The following ANKFN1 variants were observed in gnomAD, a reference collection of about 807,000 sequenced individuals.
The protein encoded by ANKFN1 is ankyrin repeat and fibronectin type III domain containing 1.
ANKFN1 carries 74 observed loss-of-function variants against 108.7 expected under a neutral mutation model. The observed-to-expected ratio is 0.68, with a 90% CI of 0.56 to 0.83. ANKFN1 has a LOEUF of 0.83. ANKFN1 is among the 40% of genes least tolerant of loss of function. ANKFN1 has a pLI of 0.00. For missense variants in ANKFN1, 1,505 were observed against 1,382.3 expected, an observed-to-expected ratio of 1.09 and a Z score of -1.41; for synonymous variants, 547 against 516.2, an observed-to-expected ratio of 1.06 and a Z score of -0.81.
At chr17:56,114,794 A>C (rs1409549535) in intron 4 of ANKFN1, among the ~76,000 whole-genome samples, 1 of 152,184 alleles carries the variant, frequency 6.6e-6, no homozygotes, top group African/African-American at 2.4e-5. Context: ...ATGCAATCTC[A>C]AGGGTCCTTA....
rs186133927 is a variant in ANKFN1, at chr17:56,466,601, A to G, written c.1773+30A>G. 6.6e-5 allele frequency: 103 copies of G among 1,553,670 alleles called. 1 individual carries two copies. The Admixed American group carries it at 1.9e-3, about 29-fold the overall frequency. On this transcript the variant is annotated intron_variant, in intron 15 of 20. Coordinates refer to ENST00000682825, the MANE Select transcript of ANKFN1 (RefSeq NM_001370326.1). ...GTAGTTTTTTTCTTAATTCCCGGGT[A>G]TACTTAAGGTTCCAAACCCAATTAT...
intron 3 of ANKFN1, among the ~76,000 whole-genome samples, chr17:56,270,428 G>A (rs956288111): frequency 6.6e-6 from 1 of 152,204 alleles, no homozygotes. Context: ...ATAACTGCTG[G>A]CTCAGAAGAA....
chr17:56,337,279 A>G (rs1433884081), intron 4 of ANKFN1, among the ~76,000 whole-genome samples: 1 of 151,988 alleles, frequency 6.6e-6, no homozygotes, highest in East Asian at 1.9e-4. Context: ...ATCCTTGTTA[A>G]CCTTCTGTCT....
chr17:56,298,077 T>C (rs2044565150), intron 3 of ANKFN1, among the ~76,000 whole-genome samples: 1 of 152,122 alleles, frequency 6.6e-6, no homozygotes, highest in Non-Finnish European at 1.5e-5. Flanking sequence ...AAAATGCCAA[T>C]TCTCAGGCCC....
intron 8 of ANKFN1, among the ~76,000 whole-genome samples, chr17:56,438,621 A>G (rs958622032): frequency 6.6e-6 from 1 of 152,122 alleles, no homozygotes; most frequent in Non-Finnish European, 1.5e-5. Context: ...GTGCAGTGGT[A>G]CAATCACAAC....
chr17:56,228,203 G>A, intron 3 of ANKFN1: 1 of 404,586 alleles, frequency 2.5e-6, no homozygotes, highest in Non-Finnish European at 4.4e-6. Flanking sequence ...ATAAAAGTGA[G>A]GAGTAAAAAA....
intron 4 of ANKFN1, among the ~76,000 whole-genome samples, chr17:56,070,643 C>T (rs1905109858): frequency 6.6e-6 from 1 of 152,140 alleles, no homozygotes; most frequent in Non-Finnish European, 1.5e-5. Flanking sequence ...CCTGCCACCT[C>T]TCCAAAGCCA....
At chr17:56,273,063 A>T (rs1033198474) in intron 3 of ANKFN1, among the ~76,000 whole-genome samples, 4 of 152,192 alleles carry the variant, frequency 2.6e-5, no homozygotes, top group Non-Finnish European at 4.4e-5. Context: ...AAGACAGCAA[A>T]TTCTACCTTT....
Position 56,283,746 on chromosome 17 carries a change from T to C in ANKFN1, c.54-42475T>C, listed in dbSNP as rs1251898239. On this transcript the variant is annotated intron_variant, in intron 3 of 20. Transcript: ENST00000682825. The stretch of plus-strand genomic sequence containing the variant: ...ACTTGGGAGACCTCAGGGGAAAGGG[T>C]GGGAGGGGGGTGAGGGATAAAACTC... 2.7e-5 allele frequency among the ~76,000 whole-genome samples: 4 copies of C among 150,420 alleles called. No individual in the cohort carries two copies. The East Asian group carries it at 7.9e-4, about 30-fold the overall frequency.
At chr17:56,164,638 A>G (rs1909980978) in intron 1 of ANKFN1, among the ~76,000 whole-genome samples, 1 of 152,214 alleles carries the variant, frequency 6.6e-6, no homozygotes, top group Admixed American at 6.5e-5. Flanking sequence ...CTTTATTTGA[A>G]AATAGCAAAG....
At chr17:56,336,640 T>C (rs1031782633) in intron 4 of ANKFN1, among the ~76,000 whole-genome samples, 1 of 152,218 alleles carries the variant, frequency 6.6e-6, no homozygotes, top group East Asian at 1.9e-4. Context: ...TAGAGGTCTA[T>C]CAATTTTGTT....
intron 1 of ANKFN1, among the ~76,000 whole-genome samples, chr17:56,198,206 G>T (rs1164357122): frequency 6.6e-6 from 1 of 152,164 alleles, no homozygotes; most frequent in Non-Finnish European, 1.5e-5. Context: ...ATTGTGCTAG[G>T]CACAGAGGTT....
chr17:56,413,572 G>A (rs1003479906), intron 8 of ANKFN1, among the ~76,000 whole-genome samples: 5 of 152,138 alleles, frequency 3.3e-5, no homozygotes, highest in African/African-American at 4.8e-5. Flanking sequence ...GTCATATTCA[G>A]CTCTTATTAT....
Position 56,510,755 on chromosome 17 carries a change from C to T in ANKFN1, c.2927C>T (p.Thr976Met), listed in dbSNP as rs1300918534. The T allele has an allele frequency of 2.0e-6, 3 of 1,536,044 alleles. No homozygotes were observed. The African/African-American group carries it at 4.1e-5, about 21-fold the overall frequency. ...CAEFLHSLTL[T>M]GFTPKNHAKT... The stretch of plus-strand genomic sequence containing the variant: ...GAGTTTCTCCATAGCCTGACCCTCA[C>T]GGGGTTCACACCCAAGAACCACGCC... Residue 976 changes from threonine (T) to methionine (M), a missense_variant, in exon 21 of 21, where the codon ACG becomes ATG. Physicochemically the swap from Thr to Met is moderately conservative, Grantham distance 81. Transcript: ENST00000682825.
At chr17:56,259,840 T>C (rs2043459458) in intron 3 of ANKFN1, among the ~76,000 whole-genome samples, 1 of 151,848 alleles carries the variant, frequency 6.6e-6, no homozygotes, top group Admixed American at 6.6e-5. Flanking sequence ...CAGTTTCTTT[T>C]TCAGTCCCAT....
chr17:56,469,851 G>A (rs1041344831), intron 15 of ANKFN1, among the ~76,000 whole-genome samples: 2 of 150,732 alleles, frequency 1.3e-5, no homozygotes, highest in Non-Finnish European at 2.9e-5. Context: ...TTACATTGGT[G>A]TGCCATGGTG....
intron 4 of ANKFN1, among the ~76,000 whole-genome samples, chr17:56,138,248 A>AGCGG (rs915292802): frequency 6.6e-6 from 1 of 152,216 alleles, no homozygotes; most frequent in Admixed American, 6.5e-5. Flanking sequence ...TTGGATATAT[A>AGCGG]GCGGGGCTTT....
At position 56,515,395 on chromosome 17, in the gene ANKFN1, A is replaced by C. The variant is rs900386514; in HGVS notation, c.*4126A>C. ...TTTTTCCAGATGATTTAATGAAGCA[A>C]ACCTGGACTTTTTTCTTCAAGGTCG... On this transcript the variant is annotated 3_prime_UTR_variant, in exon 21 of 21. Transcript: ENST00000682825. 1.3e-5 allele frequency among the ~76,000 whole-genome samples: 2 copies of C among 152,208 alleles called. No individual in the cohort carries two copies. The highest frequency in any genetic ancestry group is 4.8e-5 in the African/African-American group (2 of 41,456).
At chr17:56,194,337 T>C (rs1236297577) in intron 1 of ANKFN1, among the ~76,000 whole-genome samples, 3 of 152,240 alleles carry the variant, frequency 2.0e-5, no homozygotes, top group Non-Finnish European at 4.4e-5. Flanking sequence ...GCTTTATTTA[T>C]AATTGCCAAA....
Sources: gnomAD v4.1 joint callset for allele counts (sites outside exome capture counted in the v4.1 genomes callset) on GRCh38, gnomAD v4.1.1 for gene constraint, MANE v1.5 for transcripts, NCBI Gene and HGNC (gene_info 2026-07-23, HGNC 2026-07-21) for gene names.